STRBP: variants seen among roughly 807,000 people sequenced by gnomAD.
STRBP encodes the protein spermatid perinuclear RNA-binding protein.
STRBP carries 13 observed loss-of-function variants against 80.1 expected under a neutral mutation model. The observed-to-expected ratio is 0.16, with a 90% CI of 0.11 to 0.26. STRBP has a LOEUF of 0.26. Among genes scored for constraint, STRBP ranks in the 10% least tolerant of loss-of-function variants. The pLI is 1.00. For synonymous variants in STRBP, 284 were observed against 291.2 expected (o/e 0.98, Z 0.25); for missense variants, 485 against 815.2 (o/e 0.59, Z 4.93).
intron 2 of STRBP, among the ~76,000 whole-genome samples, chr9:123,190,689 C>T (rs894740512): frequency 7.2e-5 from 11 of 152,202 alleles, no homozygotes; most frequent in Admixed American, 4.6e-4. Context: ...GAAGATGCGA[C>T]GGCTATAATC....
chr9:123,142,186 G>A (rs527452888), intron 13 of STRBP, among the ~76,000 whole-genome samples: 1 of 152,304 alleles, frequency 6.6e-6, no homozygotes, highest in South Asian at 2.1e-4. Flanking sequence ...CCTGGTGGGA[G>A]GTGATTGGAT....
chr9:123,182,757 C>T (rs928906125), intron 3 of STRBP, among the ~76,000 whole-genome samples: 1 of 152,062 alleles, frequency 6.6e-6, no homozygotes, highest in African/African-American at 2.4e-5. Flanking sequence ...GCCTATAATC[C>T]CAGCACTTTG....
In STRBP at chr9:123,122,478, AAT is replaced by A. The variant is rs949967373; in HGVS notation, c.*3117_*3118del. On this transcript the variant is annotated 3_prime_UTR_variant, in exon 19 of 19. Coordinates refer to ENST00000348403, the MANE Select transcript of STRBP (RefSeq NM_018387.5). ...AAAAAGAAAAGGCCAATACCAGCAA[AAT>A]CTCTCAGTGGTTTGTTCCCCAGGCT... 7.5e-6 allele frequency: 9 copies of A among 1,198,678 alleles called. No individual in the cohort carries two copies. The African/African-American group carries it at 1.4e-4, about 19-fold the overall frequency. The allele number at this position is 1,198,678 out of a possible 1,614,324, so 74.3% of individuals were successfully genotyped here.
At position 123,157,915 on chromosome 9, in the gene STRBP, C is replaced by A. The variant is rs2037358802; in HGVS notation, c.1045+97G>T. On this transcript the variant is annotated intron_variant, in intron 11 of 18. Coordinates refer to ENST00000348403, the MANE Select transcript of STRBP (RefSeq NM_018387.5). ...GCTTTTTATATATGATTTGGATGCA[C>A]AATTATTAAGTTCCCTAAGTTGTAA... is the stretch of plus-strand genomic sequence containing the variant. The A allele has an allele frequency of 3.1e-5, 29 of 924,338 alleles. No homozygotes were observed. The South Asian group carries it at 4.2e-4, about 14-fold the overall frequency. 57.3% of individuals were successfully genotyped at this position (924,338 alleles called of 1,614,324 possible).
intron 2 of STRBP, among the ~76,000 whole-genome samples, chr9:123,234,932 T>A (rs1025895176): frequency 7.1e-6 from 1 of 140,840 alleles, no homozygotes; most frequent in Non-Finnish European, 1.5e-5. Context: ...ACAGACTCCA[T>A]CTCAAAAAAT....
intron 2 of STRBP, among the ~76,000 whole-genome samples, chr9:123,227,039 AG>A (rs1024700174): frequency 2.6e-5 from 4 of 152,146 alleles, no homozygotes; most frequent in Non-Finnish European, 4.4e-5. Context: ...TCCATTCGTG[AG>A]AGTAAATTCC....
Position 123,268,524 on chromosome 9 carries a change from C to T in STRBP, c.-390G>A, listed in dbSNP as rs1030083931. On this transcript the variant is annotated 5_prime_UTR_variant, in exon 1 of 19. Transcript: ENST00000348403. ...CCCGCTCGCGTCTCCGGCTCCTCTG[C>T]CCAGCGGCGGCGGCTGCGGCGGCTG... 5 of 167,922 alleles carry T rather than the reference C, an allele frequency of 3.0e-5. No individual in the cohort carries two copies. The highest frequency in any genetic ancestry group is 6.3e-5 in the Non-Finnish European group (5 of 79,544). 10.4% of individuals were successfully genotyped at this position (167,922 alleles called of 1,614,324 possible).
rs1480922930 is a variant in STRBP, at chr9:123,126,704, G to A, written c.1943-1031C>T. Among the ~76,000 whole-genome samples the A allele has an allele frequency of 6.6e-6, 1 of 152,190 alleles. No homozygotes were observed. The highest frequency in any genetic ancestry group is 2.4e-5 in the African/African-American group (1 of 41,446). On this transcript the variant is annotated intron_variant, in intron 18 of 18. Coordinates refer to ENST00000348403, the MANE Select transcript of STRBP (RefSeq NM_018387.5). The surrounding 1 kb of genome is among the most constrained non-coding windows in gnomAD (Gnocchi z 4.4). ...CTGAAGAATCTGAAACTTACTGTATGTCTAAAAGAAAGACACAGATTTAAA... is the reference window on the plus strand; with the variant it reads ...CTGAAGAATCTGAAACTTACTGTATATCTAAAAGAAAGACACAGATTTAAA...
rs1196854034 is a variant in STRBP, at chr9:123,169,048, T to TA, written c.535+853dup. ...AAAAAATTTACTAAACATTATCCATTAAAAAAATTCAGTCCCCCAATTTAC... is the reference window on the plus strand; with the variant it reads ...AAAAAATTTACTAAACATTATCCATTAAAAAAAATTCAGTCCCCCAATTTAC... On this transcript the variant is annotated intron_variant, in intron 6 of 18. Coordinates refer to ENST00000348403, the MANE Select transcript of STRBP (RefSeq NM_018387.5). 2.0e-5 allele frequency among the ~76,000 whole-genome samples: 3 copies of TA among 152,134 alleles called. No individual in the cohort carries two copies. In the East Asian group the frequency reaches 5.8e-4, roughly 29 times the overall value.
intron 2 of STRBP, among the ~76,000 whole-genome samples, chr9:123,200,505 TGTC>T (rs1432431034): frequency 6.6e-6 from 1 of 151,952 alleles, no homozygotes; most frequent in Non-Finnish European, 1.5e-5. Context: ...AGTCTCTGAA[TGTC>T]TGGTAGAATT....
intron 18 of STRBP, 101 bp downstream of exon 18, chr9:123,128,113 T>C (rs886318608): frequency 5.0e-6 from 7 of 1,404,362 alleles, no homozygotes; most frequent in African/African-American, 2.8e-5. Context: ...TGAATAAATC[T>C]GAGATCCTCC....
chr9:123,151,271 C>A (rs190451222), intron 11 of STRBP, among the ~76,000 whole-genome samples: 7 of 152,156 alleles, frequency 4.6e-5, no homozygotes, highest in Admixed American at 3.9e-4. Context: ...AATGACAAAT[C>A]CACAATAGAT....
chr9:123,180,830 T>C, intron 3 of STRBP: 2 of 709,456 alleles, frequency 2.8e-6, no homozygotes, highest in Non-Finnish European at 3.5e-6. Flanking sequence ...AAGCCTAAAA[T>C]ATTCCATTTA....
intron 2 of STRBP, among the ~76,000 whole-genome samples, chr9:123,211,058 C>T (rs2000242): frequency 0.31 from 47,848 of 152,020 alleles, 10,835 homozygotes; most frequent in East Asian, 0.69. Flanking sequence ...AAGAGAAACT[C>T]ACACATGTAC....
intron 2 of STRBP, among the ~76,000 whole-genome samples, chr9:123,210,139 T>C (rs950370509): frequency 6.6e-6 from 1 of 152,252 alleles, no homozygotes; most frequent in Non-Finnish European, 1.5e-5. Context: ...CTTCTTCATC[T>C]ATTCTACCAC....
intron 13 of STRBP, among the ~76,000 whole-genome samples, chr9:123,142,118 G>A (rs937934881): frequency 2.0e-5 from 3 of 152,158 alleles, no homozygotes; most frequent in Non-Finnish European, 4.4e-5. Context: ...CATTGATATG[G>A]TTTGTGTCCC....
chr9:123,125,562 A>ATTG lies in STRBP; in HGVS notation c.*32_*34dup. ...TCTCTAACATTCTGTGTTGTACTGTATTGTTGTTCAATAGGAATTAGCTTC... is the reference window on the plus strand; with the variant it reads ...TCTCTAACATTCTGTGTTGTACTGTATTGTTGTTGTTCAATAGGAATTAGCTTC... On this transcript the variant is annotated 3_prime_UTR_variant, in exon 19 of 19. Transcript: ENST00000348403. The ATTG allele has an allele frequency of 1.2e-6, 2 of 1,608,450 alleles. No homozygotes were observed. Among genetic ancestry groups the ATTG allele is most frequent in the Non-Finnish European group, 8.5e-7 (1 of 1,178,084 alleles).
intron 2 of STRBP, among the ~76,000 whole-genome samples, chr9:123,197,651 G>C (rs2039142512): frequency 6.9e-6 from 1 of 145,316 alleles, no homozygotes; most frequent in Admixed American, 7.0e-5. Context: ...CATACAAGTT[G>C]CTGTGAAACA....
At chr9:123,243,903 G>T (rs1010425078) in intron 1 of STRBP, among the ~76,000 whole-genome samples, 2 of 152,160 alleles carry the variant, frequency 1.3e-5, no homozygotes, top group Non-Finnish European at 1.5e-5. Context: ...CAATACAATA[G>T]GAATTGTGCT....
Sources: gnomAD v4.1 joint callset for allele counts (sites outside exome capture counted in the v4.1 genomes callset) on GRCh38, gnomAD v4.1.1 for gene constraint, Gnocchi (gnomAD v3.1) non-coding constraint, MANE v1.5 for transcripts, NCBI Gene and HGNC (gene_info 2026-07-23, HGNC 2026-07-21) for gene names.